The following CHFR variants were observed in gnomAD, a reference collection of about 807,000 sequenced individuals.
The protein encoded by CHFR is checkpoint with forkhead and ring finger domains, also known as E3 ubiquitin-protein ligase CHFR.
CHFR carries 57 observed loss-of-function variants against 87.6 expected under a neutral mutation model. The observed-to-expected ratio is 0.65, with a 90% CI of 0.53 to 0.81. The LOEUF (loss-of-function observed/expected upper bound fraction) is 0.81, where lower values mean the gene tolerates loss of function less well. CHFR is among the 30% of genes least tolerant of loss of function. CHFR has a pLI of 0.00. For synonymous variants in CHFR, 381 were observed against 359.2 expected, an observed-to-expected ratio of 1.06 and a Z score of -0.69; for missense variants, 797 against 865.8, an observed-to-expected ratio of 0.92 and a Z score of 1.00.
chr12:132,882,206 G>GT (rs1951785632), intron 2 of CHFR, among the ~76,000 whole-genome samples: 2 of 152,214 alleles, frequency 1.3e-5, no homozygotes, highest in African/African-American at 4.8e-5. Context: ...ACACTACCCG[G>GT]TAACAGAAAG....
Position 132,835,742 on chromosome 12 carries a change from A to G in CHFR, c.*5812T>C. On this transcript the variant is annotated 3_prime_UTR_variant, in exon 18 of 18. Transcript: ENST00000450056. ...CTGCGGCGTTTTGATCCAGCGGCCC[A>G]AGTGGACCCACATTCAAGGCCAGCA... 1 of 265,312 alleles carries G rather than the reference A, an allele frequency of 3.8e-6. No individual in the cohort carries two copies. The highest frequency in any genetic ancestry group is 7.5e-6 in the Non-Finnish European group (1 of 134,194). 16.4% of individuals were successfully genotyped at this position (265,312 alleles called of 1,614,324 possible).
intron 12 of CHFR, chr12:132,849,646 A>T (rs1428993881): frequency 6.8e-6 from 1 of 146,354 alleles, no homozygotes; most frequent in African/African-American, 2.6e-5. Context: ...CCTAGGCTGG[A>T]GTATAGTGGA....
rs1950652840 is a variant in CHFR at position 132,837,006 on chromosome 12, G to C, written c.*4548C>G. Reference sequence around the variant, plus strand: ...TGCTGGGGGGAAACTAGACTGGCTGGCGGGGTGGGGGCAGCCCTGCAGGAG... The same window carrying C: ...TGCTGGGGGGAAACTAGACTGGCTGCCGGGGTGGGGGCAGCCCTGCAGGAG... On this transcript the variant is annotated 3_prime_UTR_variant, in exon 18 of 18. Coordinates refer to ENST00000450056, the MANE Select transcript of CHFR (RefSeq NM_001161346.2). 2.8e-6 allele frequency: 1 copy of C among 355,016 alleles called. No homozygotes were observed. Among genetic ancestry groups the C allele is most frequent in the Non-Finnish European group, 5.5e-6 (1 of 180,872 alleles). The allele number at this position is 355,016 out of a possible 1,614,324, so 22.0% of individuals were successfully genotyped here. A position where few individuals can be genotyped will look rare whatever the true frequency, so the allele number is the denominator to read the frequency against.
At chr12:132,872,591 G>A (rs12811327) in intron 3 of CHFR, among the ~76,000 whole-genome samples, 197 bp from the exon 4 acceptor site, 38,005 of 151,722 alleles carry the variant, frequency 0.25, 5,160 homozygotes, top group Middle Eastern at 0.41. Flanking sequence ...ACTTCTCCCT[G>A]ACTGACAGCC....
At chr12:132,848,529 T>G in intron 13 of CHFR, 112 bp downstream of exon 13, 1 of 792,296 alleles carries the variant, frequency 1.3e-6, no homozygotes, top group Non-Finnish European at 2.1e-6. Flanking sequence ...TGACCAACAG[T>G]GGCCTCATCC....
At chr12:132,881,442 AAC>A (rs1951767556) in intron 2 of CHFR, among the ~76,000 whole-genome samples, 1 of 152,212 alleles carries the variant, frequency 6.6e-6, no homozygotes, top group Admixed American at 6.5e-5. Flanking sequence ...AAACAATTTA[AAC>A]ACTTTATCAA....
At chr12:132,880,913 C>T (rs923045521) in intron 2 of CHFR, among the ~76,000 whole-genome samples, 6 of 151,846 alleles carry the variant, frequency 4.0e-5, no homozygotes, top group Non-Finnish European at 8.8e-5. Context: ...TACAGTGAGC[C>T]GAGATCACGC....
chr12:132,841,832 G>A (rs554131476), intron 17 of CHFR, among the ~76,000 whole-genome samples: 27 of 152,066 alleles, frequency 1.8e-4, no homozygotes, highest in Middle Eastern at 3.2e-3. Flanking sequence ...ATCTGGCCAC[G>A]CACAGTGGCT....
chr12:132,883,738 C>G (rs145025916), intron 2 of CHFR, among the ~76,000 whole-genome samples: 173 of 152,240 alleles, frequency 1.1e-3, no homozygotes, highest in African/African-American at 3.7e-3. Flanking sequence ...GGTTGTTGCA[C>G]CCCTTCCTAC....
chr12:132,864,472 G>T (rs1254942477), intron 6 of CHFR, among the ~76,000 whole-genome samples: 1 of 147,394 alleles, frequency 6.8e-6, no homozygotes, highest in Non-Finnish European at 1.5e-5. Context: ...ACAGATAGAA[G>T]AATTTTTATT....
In CHFR at chr12:132,857,403, G is replaced by T. The variant is rs758454020; in HGVS notation, c.1066+2C>A. The T allele has an allele frequency of 2.5e-6, 4 of 1,614,078 alleles. No homozygotes were observed. Among genetic ancestry groups the T allele is most frequent in the Non-Finnish European group, 3.4e-6 (4 of 1,179,942 alleles). On this transcript the variant is annotated splice_donor_variant, in intron 9 of 17. Transcript: ENST00000450056. LOFTEE classifies it high-confidence loss of function. ...GGTGCTGGTGTGGATGCCCTCACTT[G>T]CCTGGATGCTGGATGAGGTATGCTT...
At chr12:132,855,451 G>A (rs1828007925) in intron 10 of CHFR, among the ~76,000 whole-genome samples, 2 of 151,808 alleles carry the variant, frequency 1.3e-5, no homozygotes, top group Admixed American at 1.3e-4. Context: ...CGGATCACGA[G>A]GTCAGGAGAT....
At chr12:132,863,377 C>T (rs912057516) in intron 6 of CHFR, among the ~76,000 whole-genome samples, 1 of 151,934 alleles carries the variant, frequency 6.6e-6, no homozygotes, top group Non-Finnish European at 1.5e-5. Context: ...TGTGGTGGCA[C>T]ATGCCTGTAA....
At chr12:132,867,771 G>A (rs1009972188) in intron 6 of CHFR, 3 of 152,094 alleles carry the variant, frequency 2.0e-5, no homozygotes, top group Non-Finnish European at 4.4e-5. Flanking sequence ...GAGCCCAGAC[G>A]ACACGAAGAA....
intron 2 of CHFR, among the ~76,000 whole-genome samples, chr12:132,879,052 T>A (rs1241276843): frequency 6.8e-6 from 1 of 146,766 alleles, no homozygotes; most frequent in Non-Finnish European, 1.5e-5. Flanking sequence ...TCGCCCAGGC[T>A]GGAGTGCAGT....
chr12:132,856,457 G>T lies in CHFR; in HGVS notation c.1229+11C>A. 6.2e-7 allele frequency: 1 copy of T among 1,613,510 alleles called. No individual in the cohort carries two copies. On this transcript the variant is annotated intron_variant, in intron 10 of 17. Coordinates refer to ENST00000450056, the MANE Select transcript of CHFR (RefSeq NM_001161346.2). ...TCACACACTCTGCTCTGAGCCAGGG[G>T]CATGATTTACCTAATGTCTGAGGAC...
At chr12:132,859,357 C>CTT in intron 7 of CHFR, 130 bp from the exon 8 acceptor site, 26 of 818,322 alleles carry the variant, frequency 3.2e-5, no homozygotes, top group Middle Eastern at 4.0e-4. Context: ...TACATGCAGT[C>CTT]TTTTTTTTTT....
intron 2 of CHFR, among the ~76,000 whole-genome samples, chr12:132,882,161 T>C (rs1460399430): frequency 6.6e-6 from 1 of 152,198 alleles, no homozygotes; most frequent in Non-Finnish European, 1.5e-5. Flanking sequence ...CCACTGGTTG[T>C]AAACTAACAA....
chr12:132,859,024 C>G (rs767308125), intron 8 of CHFR, 44 bp downstream of exon 8: 9 of 1,581,414 alleles, frequency 5.7e-6, no homozygotes, highest in Non-Finnish European at 7.8e-6. Context: ...GACGAAGAAC[C>G]TGCAGTGCCA....
Sources: allele counts gnomAD v4.1 joint callset (sites outside exome capture counted in the v4.1 genomes callset), GRCh38; gene constraint gnomAD v4.1.1; transcripts MANE v1.5; gene names NCBI Gene and HGNC (gene_info 2026-07-23, HGNC 2026-07-21).